Variants in PTPRM observed in about 807,000 individuals in gnomAD.
The protein encoded by PTPRM is protein tyrosine phosphatase receptor type M, also known as receptor-type tyrosine-protein phosphatase mu.
In PTPRM, 47 loss-of-function variants were observed where a neutral mutation model predicts 186.7. The ratio of observed to expected loss-of-function variants is 0.25; its 90% CI spans 0.20 to 0.32. PTPRM has a LOEUF of 0.32. Among genes scored for constraint, PTPRM ranks in the 10% least tolerant of loss-of-function variants. The pLI is 1.00. For synonymous variants in PTPRM, 668 were observed against 674.9 expected (o/e 0.99, Z 0.16); for missense variants, 1,494 against 1,865.0 (o/e 0.80, Z 3.66).
At chr18:7,832,405 G>A (rs988187435) in intron 2 of PTPRM, among the ~76,000 whole-genome samples, 1 of 152,110 alleles carries the variant, frequency 6.6e-6, no homozygotes, top group Non-Finnish European at 1.5e-5. Context: ...TCATATGCCT[G>A]TTTGCCACTT....
chr18:8,143,384 G>A (rs1468422128), intron 13 of PTPRM, among the ~76,000 whole-genome samples: 1 of 151,974 alleles, frequency 6.6e-6, no homozygotes, highest in Admixed American at 6.6e-5. Flanking sequence ...AAAAAAAAAT[G>A]TTTGAGAAGA....
At chr18:8,203,408 T>C (rs6506557) in intron 14 of PTPRM, among the ~76,000 whole-genome samples, 106,170 of 152,084 alleles carry the variant, frequency 0.7, 37,411 homozygotes, top group East Asian at 0.87. Flanking sequence ...TTAAAAAGGT[T>C]GGTGTCATTA....
At chr18:7,862,420 A>G (rs966027437) in intron 2 of PTPRM, among the ~76,000 whole-genome samples, 3 of 152,198 alleles carry the variant, frequency 2.0e-5, no homozygotes, top group Non-Finnish European at 4.4e-5. Flanking sequence ...ACATTCAAAT[A>G]TGAATACCAC....
Position 8,038,551 on chromosome 18 carries a change from C to T in PTPRM, c.1133-31135C>T, listed in dbSNP as rs140125990. On this transcript the variant is annotated intron_variant, in intron 7 of 32. Transcript: ENST00000580170. ...GAATTACAAGCGTGTACCGCCATGC[C>T]TGGCTAATTTTTGTATTTTTAGTAG... is the stretch of plus-strand genomic sequence containing the variant. 4.0e-3 allele frequency among the ~76,000 whole-genome samples: 615 copies of T among 152,188 alleles called. 2 individuals carry two copies. The highest frequency in any genetic ancestry group is 0.014 in the African/African-American group (572 of 41,524).
intron 7 of PTPRM, among the ~76,000 whole-genome samples, chr18:7,994,952 G>T (rs2083455788): frequency 6.6e-6 from 1 of 151,806 alleles, no homozygotes; most frequent in Non-Finnish European, 1.5e-5. Flanking sequence ...TAGTAGAAGG[G>T]AAGAAATAAT....
chr18:8,221,665 G>A (rs2094154606), intron 14 of PTPRM, among the ~76,000 whole-genome samples: 1 of 152,186 alleles, frequency 6.6e-6, no homozygotes, highest in African/African-American at 2.4e-5. Context: ...GATGAAGTCT[G>A]GTGCTGAGTT....
chr18:8,309,703 C>A (rs1018732473), intron 20 of PTPRM, among the ~76,000 whole-genome samples: 3 of 151,982 alleles, frequency 2.0e-5, no homozygotes, highest in Non-Finnish European at 4.4e-5. Context: ...TTTATAGAGA[C>A]AAGGTCTCTA....
intron 2 of PTPRM, among the ~76,000 whole-genome samples, chr18:7,826,090 A>G (rs552975474): frequency 1.3e-5 from 2 of 152,314 alleles, no homozygotes; most frequent in South Asian, 4.1e-4. Flanking sequence ...GAGCTCAGGT[A>G]CAATAGCAGC....
chr18:7,848,002 G>A (rs2046681647), intron 2 of PTPRM, among the ~76,000 whole-genome samples: 1 of 152,186 alleles, frequency 6.6e-6, no homozygotes, highest in East Asian at 1.9e-4. Flanking sequence ...AGCAAAACTA[G>A]AGGAAATCTT....
At chr18:7,844,501 C>T (rs749073665) in intron 2 of PTPRM, among the ~76,000 whole-genome samples, 15 of 152,058 alleles carry the variant, frequency 9.9e-5, no homozygotes, top group South Asian at 2.1e-4. Context: ...AATGGTAGGA[C>T]GGGCAGAGGA....
chr18:8,091,962 C>T (rs969273909), intron 11 of PTPRM, among the ~76,000 whole-genome samples: 6 of 152,042 alleles, frequency 3.9e-5, no homozygotes, highest in Admixed American at 2.0e-4. Flanking sequence ...GAAATGGAAG[C>T]GAACATCTGT....
intron 1 of PTPRM, chr18:7,754,812 C>T (rs2041394065): frequency 6.6e-6 from 1 of 152,232 alleles, no homozygotes; most frequent in Non-Finnish European, 1.5e-5. Flanking sequence ...CTGTCTGCTC[C>T]CTGGTAGCTG....
intron 1 of PTPRM, among the ~76,000 whole-genome samples, chr18:7,595,105 A>G (rs1421875547): frequency 6.6e-6 from 1 of 152,178 alleles, no homozygotes; most frequent in Non-Finnish European, 1.5e-5. Context: ...ACAGAAGACA[A>G]GCCATTCTCT....
At chr18:8,126,000 T>C (rs1445073812) in intron 13 of PTPRM, among the ~76,000 whole-genome samples, 55 of 16,310 alleles carry the variant, frequency 3.4e-3, no homozygotes, top group Middle Eastern at 0.019. Flanking sequence ...TATATATATA[T>C]ATATATATAT....
intron 7 of PTPRM, among the ~76,000 whole-genome samples, chr18:7,997,929 G>A (rs1432826747): frequency 1.3e-5 from 2 of 152,154 alleles, no homozygotes; most frequent in Non-Finnish European, 2.9e-5. Context: ...AATGTTGGTG[G>A]GAATGTAAAT....
intron 19 of PTPRM, among the ~76,000 whole-genome samples, chr18:8,254,929 A>G (rs77273813): frequency 0.027 from 4,071 of 152,376 alleles, 85 homozygotes; most frequent in South Asian, 0.061. Context: ...TGTGAAGCCA[A>G]ACAATCCCAT....
At chr18:7,617,829 T>A (rs2037843775) in intron 1 of PTPRM, among the ~76,000 whole-genome samples, 1 of 152,222 alleles carries the variant, frequency 6.6e-6, no homozygotes, top group African/African-American at 2.4e-5. Context: ...TGCCGCATTG[T>A]TGAATACATT....
chr18:8,168,230 G>A (rs1350163670), intron 14 of PTPRM, among the ~76,000 whole-genome samples: 1 of 152,086 alleles, frequency 6.6e-6, no homozygotes, highest in African/African-American at 2.4e-5. Flanking sequence ...ACATAAATTT[G>A]ACAAGGACGT....
intron 13 of PTPRM, among the ~76,000 whole-genome samples, chr18:8,141,260 C>G (rs139698569): frequency 1.3e-5 from 2 of 152,130 alleles, no homozygotes. Flanking sequence ...CCCAAACACC[C>G]GACTCAACCG....
Sources: gnomAD v4.1 joint callset for allele counts (sites outside exome capture counted in the v4.1 genomes callset) on GRCh38, gnomAD v4.1.1 for gene constraint, MANE v1.5 for transcripts, NCBI Gene and HGNC (gene_info 2026-07-23, HGNC 2026-07-21) for gene names.